Variants in MPP4 observed in about 807,000 individuals in gnomAD.
MPP4 encodes MAGUK p55 scaffold protein 4.
In MPP4, 91 loss-of-function variants were observed where a neutral mutation model predicts 98.3. That is an observed-to-expected ratio of 0.93 (90% CI 0.78 to 1.10). The LOEUF (loss-of-function observed/expected upper bound fraction) is 1.10. Ranked by LOEUF, MPP4 falls within the 50% of genes least tolerant of loss-of-function variation. The pLI, the probability that MPP4 is intolerant of heterozygous loss-of-function variation, is 0.00. For missense variants in MPP4, 744 were observed against 792.9 expected, an observed-to-expected ratio of 0.94 and a Z score of 0.74; for synonymous variants, 261 against 271.8, an observed-to-expected ratio of 0.96 and a Z score of 0.39.
chr2:201,654,762 T>G, intron 18 of MPP4, 75 bp downstream of exon 18: 1 of 964,344 alleles, frequency 1.0e-6, no homozygotes, highest in Non-Finnish European at 1.5e-6. Flanking sequence ...AAAGATGGAA[T>G]GACATAGTTA....
chr2:201,674,334 T>C (rs564490191), intron 11 of MPP4, among the ~76,000 whole-genome samples: 23 of 152,314 alleles, frequency 1.5e-4, no homozygotes, highest in African/African-American at 5.5e-4. Flanking sequence ...TTTCATAAAC[T>C]GAAAACCCTT....
intron 14 of MPP4, chr2:201,662,100 A>T: frequency 2.6e-6 from 1 of 381,520 alleles, no homozygotes; most frequent in Non-Finnish European, 5.1e-6. Context: ...TATAACTAAT[A>T]TTTGTAGCCA....
At chr2:201,678,829 T>C (rs1688589445) in intron 10 of MPP4, among the ~76,000 whole-genome samples, 1 of 152,064 alleles carries the variant, frequency 6.6e-6, no homozygotes, top group Non-Finnish European at 1.5e-5. Context: ...CTGGTAGCCA[T>C]CGCCAGCTCA....
At chr2:201,695,938 C>T (rs1689167271) in intron 1 of MPP4, among the ~76,000 whole-genome samples, 1 of 152,144 alleles carries the variant, frequency 6.6e-6, no homozygotes, top group Admixed American at 6.5e-5. Context: ...AAAAGGAACA[C>T]TTCAAATTAG....
chr2:201,687,406 TA>T (rs1349630728), intron 4 of MPP4, 35 bp from the exon 5 acceptor site: 2 of 1,515,116 alleles, frequency 1.3e-6, no homozygotes, highest in Middle Eastern at 1.8e-4. Context: ...ATAAAAATTT[TA>T]AAAAATCTTT....
intron 12 of MPP4, among the ~76,000 whole-genome samples, chr2:201,667,846 GAAAAATTTTATGA>G (rs1391750610): frequency 2.6e-5 from 4 of 152,092 alleles, no homozygotes; most frequent in Non-Finnish European, 2.9e-5. Context: ...AGTGAAATAT[GAAAAATTTTATGA>G]AATAACACTG....
intron 12 of MPP4, among the ~76,000 whole-genome samples, chr2:201,668,026 A>G (rs1204607567): frequency 2.6e-5 from 4 of 152,190 alleles, no homozygotes; most frequent in Non-Finnish European, 4.4e-5. Flanking sequence ...GCCATCCATA[A>G]CAACAGTGAG....
rs1315542609 is a variant in MPP4 at position 201,645,308 on chromosome 2, C to T, written c.1816G>A (p.Asp606Asn). The T allele has an allele frequency of 1.1e-5, 17 of 1,614,004 alleles. No individual in the cohort carries two copies. The highest frequency in any genetic ancestry group is 1.3e-5 in the Non-Finnish European group (15 of 1,179,874). ...GCAGACAACAACTGGGCACATGCAT[C>T]GTGCAAGCTGTCATTCACAATCACA... Reference protein sequence around the residue: ...DHVIVNDSLHDACAQLLSAIQ... With the variant: ...DHVIVNDSLHNACAQLLSAIQ... The change falls in exon 22 of 22, where the codon GAT becomes AAT. Residue 606 changes from aspartate to asparagine, a missense_variant. Physicochemically the swap from Asp to Asn is conservative, Grantham distance 23 (BLOSUM62 1). Coordinates refer to ENST00000409474, the MANE Select transcript of MPP4 (RefSeq NM_033066.3).
At chr2:201,646,300 C>G (rs1687557710) in intron 21 of MPP4, among the ~76,000 whole-genome samples, 2 of 152,144 alleles carry the variant, frequency 1.3e-5, no homozygotes, top group Non-Finnish European at 2.9e-5. Context: ...AAAATGGCCA[C>G]TTTCAACATG....
intron 10 of MPP4, 21 bp from the exon 11 acceptor site, chr2:201,675,292 T>A: frequency 6.3e-7 from 1 of 1,599,150 alleles, no homozygotes; most frequent in Non-Finnish European, 8.5e-7. Flanking sequence ...GAAAAAACCA[T>A]GCGACAAAAA....
chr2:201,645,222 A>T lies in MPP4; in HGVS notation c.1902T>A (p.Thr634=), dbSNP rs1226021109. 1.9e-6 allele frequency: 3 copies of T among 1,612,234 alleles called. No homozygotes were observed. The highest frequency in any genetic ancestry group is 2.2e-5 in the South Asian group (2 of 90,742). The change falls in exon 22 of 22, where the codon ACT becomes ACA. Residue 634 remains threonine (T), a synonymous_variant. Transcript: ENST00000409474. ...TAAACAAGAAGTCTCATTGAGACTC[A>T]GTATCTGAGGAAATCCATGTTGCTG... The part of the protein sequence containing the change: ...WVPATWISSD[T]ESQ
At chr2:201,656,832 C>T (rs956803989) in intron 16 of MPP4, among the ~76,000 whole-genome samples, 44 of 152,304 alleles carry the variant, frequency 2.9e-4, no homozygotes, top group East Asian at 1.7e-3. Flanking sequence ...TCTGCAGAGA[C>T]GGGCAAGCCA....
At chr2:201,688,983 T>A (rs1688919372) in intron 4 of MPP4, among the ~76,000 whole-genome samples, 1 of 151,786 alleles carries the variant, frequency 6.6e-6, no homozygotes, top group Non-Finnish European at 1.5e-5. Flanking sequence ...AAGCATTGAG[T>A]GTGAAGTCAA....
intron 20 of MPP4, among the ~76,000 whole-genome samples, chr2:201,649,234 A>G (rs1392738493): frequency 6.6e-6 from 1 of 152,208 alleles, no homozygotes; most frequent in East Asian, 1.9e-4. Flanking sequence ...AGATATGACA[A>G]CATAGAAACC....
chr2:201,689,770 G>A (rs975617809), intron 4 of MPP4, among the ~76,000 whole-genome samples: 2 of 152,124 alleles, frequency 1.3e-5, no homozygotes, highest in Non-Finnish European at 2.9e-5. Flanking sequence ...GGCAGGTGGG[G>A]AAGATCGGGA....
At chr2:201,657,616 T>TTTTTTTTTTTTC in intron 16 of MPP4, among the ~76,000 whole-genome samples, 1 of 148,640 alleles carries the variant, frequency 6.7e-6, no homozygotes, top group Non-Finnish European at 1.5e-5. Flanking sequence ...TTTGTTTTTT[T>TTTTTTTTTTTTC]TTGCTTATTG....
At chr2:201,652,681 GGAA>G (rs1406754133) in intron 18 of MPP4, among the ~76,000 whole-genome samples, 1 of 152,088 alleles carries the variant, frequency 6.6e-6, no homozygotes, top group African/African-American at 2.4e-5. Context: ...GCTGCACCAG[GGAA>G]GCCTGCGCTC....
intron 10 of MPP4, 95 bp from the exon 11 acceptor site, chr2:201,675,366 G>A: frequency 1.6e-6 from 2 of 1,231,466 alleles, no homozygotes; most frequent in South Asian, 1.3e-5. Context: ...CAAACAGAAT[G>A]TTTCTTAGAA....
chr2:201,684,196 G>A (rs1688749292), intron 7 of MPP4, among the ~76,000 whole-genome samples: 1 of 145,806 alleles, frequency 6.9e-6, no homozygotes, highest in South Asian at 2.3e-4. Flanking sequence ...TCCAGCCTGA[G>A]CAACAGATTA....
Sources: gnomAD v4.1 joint callset for allele counts (sites outside exome capture counted in the v4.1 genomes callset) on GRCh38, gnomAD v4.1.1 for gene constraint, MANE v1.5 for transcripts, NCBI Gene and HGNC (gene_info 2026-07-23, HGNC 2026-07-21) for gene names.